Variants in CYFIP1 observed in about 807,000 individuals in gnomAD.
CYFIP1 encodes the protein cytoplasmic FMR1 interacting protein 1.
In CYFIP1, 58 loss-of-function variants were observed where a neutral mutation model predicts 163.5. That is an observed-to-expected ratio of 0.35 (90% CI 0.29 to 0.44). The LOEUF is 0.44. CYFIP1 is among the 20% of genes least tolerant of loss of function. The pLI is 1.00. For missense variants in CYFIP1, 1,338 were observed against 1,653.8 expected (o/e 0.81, Z 3.31); for synonymous variants, 663 against 660.7 (o/e 1.00, Z -0.05).
At chr15:22,909,064 T>A (rs896888260) in intron 21 of CYFIP1, 130 bp downstream of exon 21, 1 of 1,165,896 alleles carries the variant, frequency 8.6e-7, no homozygotes, top group Non-Finnish European at 1.2e-6. Context: ...AGTGAGTGCA[T>A]CTCTTTTATT....
Position 22,892,904 on chromosome 15 carries a change from G to T in CYFIP1, c.2662C>A (p.Leu888Met). The change falls in exon 23 of 31, where the codon CTG (leucine) becomes ATG (methionine). Residue 888 changes from leucine to methionine, a missense_variant. By Grantham distance (15) the Leu-to-Met change is conservative. Around this residue, in one of 4 missense-constraint regions of CYFIP1, gnomAD observed 824 missense variants for 995.7 expected, o/e 0.83. Transcript: ENST00000617928. Reference sequence around the variant, plus strand: ...TTGGAGCCTACCTTGGATCCATGCAGATACTGAGGCTGTGCATTAGGCTGC... The same window carrying T: ...TTGGAGCCTACCTTGGATCCATGCATATACTGAGGCTGTGCATTAGGCTGC... ...DKQPNAQPQY[L>M]HGSKALNLAY... 6.2e-7 allele frequency: 1 copy of T among 1,612,530 alleles called. No individual in the cohort carries two copies. The highest frequency in any genetic ancestry group is 1.1e-5 in the South Asian group (1 of 91,070).
rs761454583 is a variant in CYFIP1, at chr15:22,933,766, G to A, written c.992+36C>T. 3.7e-5 allele frequency: 56 copies of A among 1,525,060 alleles called. 1 individual carries two copies. The Middle Eastern group carries it at 5.1e-4, about 14-fold the overall frequency. 94.5% of individuals were successfully genotyped at this position (1,525,060 alleles called of 1,614,324 possible). ...AAAACCGCACAATGAGGACACTGCCGAAAGCTCAAACCAGGCAGCTTTCCT... is the reference window on the plus strand; with the variant it reads ...AAAACCGCACAATGAGGACACTGCCAAAAGCTCAAACCAGGCAGCTTTCCT... On this transcript the variant is annotated intron_variant, in intron 10 of 30. Coordinates refer to ENST00000617928, the MANE Select transcript of CYFIP1 (RefSeq NM_014608.6).
At chr15:22,871,683 C>T (rs535796810) in intron 30 of CYFIP1, among the ~76,000 whole-genome samples, 289 of 152,270 alleles carry the variant, frequency 1.9e-3, no homozygotes, top group African/African-American at 6.7e-3. Context: ...GTTCTCTGGC[C>T]GGAGGCAGGA....
At chr15:22,949,199 G>GC (rs1373856489) in intron 1 of CYFIP1, among the ~76,000 whole-genome samples, 1 of 152,226 alleles carries the variant, frequency 6.6e-6, no homozygotes, top group African/African-American at 2.4e-5. Context: ...AGAGCACAGA[G>GC]CAACAGTGGG....
chr15:22,892,057 G>A (rs1176206242), intron 23 of CYFIP1, among the ~76,000 whole-genome samples: 1 of 152,116 alleles, frequency 6.6e-6, no homozygotes, highest in Non-Finnish European at 1.5e-5. Context: ...CGGGGACACC[G>A]CAGCTCGCAG....
At chr15:22,937,259 C>T (rs2061740113) in intron 8 of CYFIP1, 51 bp from the exon 9 acceptor site, 1 of 1,110,594 alleles carries the variant, frequency 9.0e-7, no homozygotes, top group South Asian at 1.3e-5. Context: ...CTGAGAATTT[C>T]ACTACCCATA....
chr15:22,947,836 C>T (rs936731281), intron 1 of CYFIP1: 12 of 613,498 alleles, frequency 2.0e-5, no homozygotes, highest in African/African-American at 8.1e-5. Flanking sequence ...ATGGGGCTGC[C>T]GCAGGGGACA....
At chr15:22,951,054 C>G (rs1273016570) in intron 1 of CYFIP1, among the ~76,000 whole-genome samples, 2 of 152,218 alleles carry the variant, frequency 1.3e-5, no homozygotes, top group African/African-American at 2.4e-5. Context: ...GGGTTCAGTA[C>G]AGTCTCCAGG....
At position 22,974,476 on chromosome 15, in the gene CYFIP1, T is replaced by C. The variant is rs369118337; in HGVS notation, c.-7+5811A>G. 1.1e-4 allele frequency among the ~76,000 whole-genome samples: 16 copies of C among 152,274 alleles called. No individual in the cohort carries two copies. The East Asian group carries it at 3.1e-3, about 29-fold the overall frequency. ...CGGACACGATGGCTCATGCCTATAA[T>C]CCCAGTACTGGGAGGCCGAGGCAGA... On this transcript the variant is annotated intron_variant, in intron 1 of 30. Transcript: ENST00000617928.
chr15:22,881,820 T>C (rs763723424), intron 25 of CYFIP1, 26 bp downstream of exon 25: 22 of 1,602,968 alleles, frequency 1.4e-5, no homozygotes, highest in South Asian at 3.3e-5. Context: ...CAGACAGCAC[T>C]GTGAGCTCCA....
At chr15:22,901,290 C>G (rs997433950) in intron 22 of CYFIP1, among the ~76,000 whole-genome samples, 12 of 152,132 alleles carry the variant, frequency 7.9e-5, no homozygotes, top group Middle Eastern at 3.4e-3. Flanking sequence ...GAATCGTCGA[C>G]AGATGTTAAA....
At chr15:22,886,744 G>A (rs1466698182) in intron 23 of CYFIP1, among the ~76,000 whole-genome samples, 5 of 152,098 alleles carry the variant, frequency 3.3e-5, no homozygotes, top group African/African-American at 4.8e-5. Context: ...TCTGAAAAAC[G>A]TATATATTCT....
intron 11 of CYFIP1, among the ~76,000 whole-genome samples, chr15:22,931,646 A>G (rs2142220047): frequency 7.9e-6 from 1 of 126,024 alleles, no homozygotes. Context: ...TAATTATCTC[A>G]TCTCTGTCCT....
intron 23 of CYFIP1, 43 bp downstream of exon 23, chr15:22,892,847 A>T: frequency 7.0e-7 from 1 of 1,427,064 alleles, no homozygotes; most frequent in Non-Finnish European, 9.9e-7. Context: ...AACATGCTTC[A>T]TTATGAGCTT....
At chr15:22,911,953 A>G (rs1030151998) in intron 18 of CYFIP1, among the ~76,000 whole-genome samples, 1 of 152,208 alleles carries the variant, frequency 6.6e-6, no homozygotes, top group African/African-American at 2.4e-5. Context: ...ATAACCAAAA[A>G]TAGATGAGGA....
intron 1 of CYFIP1, among the ~76,000 whole-genome samples, chr15:22,958,964 G>A (rs1339932159): frequency 6.6e-6 from 1 of 152,130 alleles, no homozygotes; most frequent in Non-Finnish European, 1.5e-5. Context: ...AACACCCAAG[G>A]GCCTCCCTCC....
chr15:22,977,343 G>A (rs572172011), intron 1 of CYFIP1, among the ~76,000 whole-genome samples: 7 of 152,154 alleles, frequency 4.6e-5, no homozygotes, highest in Admixed American at 2.0e-4. Flanking sequence ...CAGCAAATAG[G>A]GACAATTTTC....
At chr15:22,959,932 C>T (rs1267981516) in intron 1 of CYFIP1, among the ~76,000 whole-genome samples, 2 of 152,200 alleles carry the variant, frequency 1.3e-5, no homozygotes, top group Non-Finnish European at 2.9e-5. Context: ...TCTCTCCCTC[C>T]CCTGTAAGGA....
intron 26 of CYFIP1, among the ~76,000 whole-genome samples, chr15:22,879,058 C>G (rs1216244310): frequency 6.6e-6 from 1 of 151,782 alleles, no homozygotes; most frequent in Non-Finnish European, 1.5e-5. Context: ...ATGGCGTGAA[C>G]CCGGGAGGCG....
Sources: gnomAD v4.1 joint callset for allele counts (sites outside exome capture counted in the v4.1 genomes callset) on GRCh38, gnomAD v4.1.1 for gene constraint, gnomAD v4.1.1 regional missense constraint, MANE v1.5 for transcripts, NCBI Gene and HGNC (gene_info 2026-07-23, HGNC 2026-07-21) for gene names.